Variants in IMPG2 observed in about 807,000 individuals in gnomAD.
IMPG2 encodes the protein interphotoreceptor matrix proteoglycan 2.
A neutral mutation model predicts 129.2 loss-of-function variants in IMPG2; 91 were observed. The observed-to-expected ratio is 0.70, with a 90% CI of 0.59 to 0.84. IMPG2 has a LOEUF of 0.84. Among genes scored for constraint, IMPG2 ranks in the 40% least tolerant of loss-of-function variants. IMPG2 has a pLI of 0.00. For missense variants in IMPG2, 1,430 were observed against 1,461.7 expected (o/e 0.98, Z 0.35); for synonymous variants, 510 against 517.7 (o/e 0.99, Z 0.20).
chr3:101,320,486 T>C lies in IMPG2; in HGVS notation c.-114A>G, dbSNP rs946151908. On this transcript the variant is annotated 5_prime_UTR_variant, in exon 1 of 19. Coordinates refer to ENST00000193391, the MANE Select transcript of IMPG2 (RefSeq NM_016247.4). ...GAAAGACCTAACATTTAAAAGTCTA[T>C]GTTTGAGAATGAACAACCACTTCAA... is the stretch of plus-strand genomic sequence containing the variant. The C allele has an allele frequency of 3.0e-5, 21 of 703,950 alleles. No individual in the cohort carries two copies. The Admixed American group carries it at 3.8e-4, about 13-fold the overall frequency. The allele number at this position is 703,950 out of a possible 1,614,324, so 43.6% of individuals were successfully genotyped here. A position where few individuals can be genotyped will look rare whatever the true frequency, so the allele number is the denominator to read the frequency against.
At chr3:101,265,115 A>G (rs1242153527) in intron 9 of IMPG2, among the ~76,000 whole-genome samples, 1 of 152,132 alleles carries the variant, frequency 6.6e-6, no homozygotes, top group Non-Finnish European at 1.5e-5. Context: ...CAATGACCAT[A>G]CTACCCAAAG....
chr3:101,269,438 G>T, intron 8 of IMPG2, 77 bp downstream of exon 8: 1 of 835,054 alleles, frequency 1.2e-6, no homozygotes, highest in Non-Finnish European at 2.1e-6. Context: ...TAGAATATGT[G>T]TGATAAATAT....
rs115589790 is a variant in IMPG2, at chr3:101,267,689, G to A, written c.888-158C>T. ...CAAATTCCTATGGATTGAAGGAAGT[G>A]AGCAAAGGTGAAAAAAGCATTTTAT... On this transcript the variant is annotated intron_variant, in intron 8 of 18. Transcript: ENST00000193391. 2.9e-3 allele frequency among the ~76,000 whole-genome samples: 440 copies of A among 152,274 alleles called. 3 individuals carry two copies. Among genetic ancestry groups the A allele is most frequent in the African/African-American group, 9.6e-3 (398 of 41,560 alleles).
At position 101,245,951 on chromosome 3, in the gene IMPG2, G is replaced by T. The variant is rs752196597; in HGVS notation, c.1394C>A (p.Ala465Asp). The T allele has an allele frequency of 6.2e-7, 1 of 1,614,134 alleles. No individual in the cohort carries two copies. The highest frequency in any genetic ancestry group is 8.5e-7 in the Non-Finnish European group (1 of 1,180,008). Residue 465 changes from alanine to aspartate, a missense_variant, in exon 12 of 19, where the codon GCC (alanine) becomes GAC (aspartate). Coordinates refer to ENST00000193391, the MANE Select transcript of IMPG2 (RefSeq NM_016247.4). ...GCTGAGGCCCATCTTCGAGGGAAAG[G>T]CTAATTTGTGTGTAGACACTAAATC... ...LGDLVSTHKL[A>D]FPSKMGLSSS...
At chr3:101,241,779 G>C (rs1451785288) in intron 14 of IMPG2, among the ~76,000 whole-genome samples, 2 of 152,124 alleles carry the variant, frequency 1.3e-5, no homozygotes, top group African/African-American at 4.8e-5. Flanking sequence ...TGTAATCCCA[G>C]CACTTTGGGA....
At chr3:101,289,295 C>T (rs1706980018) in intron 4 of IMPG2, among the ~76,000 whole-genome samples, 1 of 151,990 alleles carries the variant, frequency 6.6e-6, no homozygotes, top group Non-Finnish European at 1.5e-5. Flanking sequence ...CAGTAAAAGG[C>T]AGTATTAATA....
intron 1 of IMPG2, 37 bp downstream of exon 1, chr3:101,320,251 T>C (rs749270070): frequency 8.5e-6 from 10 of 1,170,330 alleles, no homozygotes; most frequent in Admixed American, 1.7e-5. Context: ...ATACTACAGA[T>C]ATGGAAAGAT....
intron 17 of IMPG2, 90 bp downstream of exon 17, chr3:101,229,290 A>C (rs1706257169): frequency 2.9e-6 from 3 of 1,040,366 alleles, no homozygotes; most frequent in African/African-American, 1.6e-5. Flanking sequence ...GCACACATAC[A>C]CTCATACACA....
intron 9 of IMPG2, among the ~76,000 whole-genome samples, chr3:101,266,397 C>A (rs557304940): frequency 7.9e-5 from 12 of 152,016 alleles, no homozygotes; most frequent in Non-Finnish European, 1.8e-4. Context: ...AACATTTTTT[C>A]TTTTCTCCTT....
intron 2 of IMPG2, among the ~76,000 whole-genome samples, chr3:101,307,348 C>G (rs980985705): frequency 2.6e-5 from 4 of 152,142 alleles, no homozygotes; most frequent in African/African-American, 9.7e-5. Flanking sequence ...ATACACCAAT[C>G]CTATTGTATT....
chr3:101,249,634 C>A (rs1411694061), intron 11 of IMPG2, among the ~76,000 whole-genome samples: 1 of 151,632 alleles, frequency 6.6e-6, no homozygotes, highest in African/African-American at 2.4e-5. Context: ...TCTTCTGAAT[C>A]TGTTGACATG....
chr3:101,278,902 A>T (rs112690700), intron 4 of IMPG2, among the ~76,000 whole-genome samples: 3,145 of 152,266 alleles, frequency 0.021, 108 homozygotes, highest in African/African-American at 0.071. Context: ...TGAGCAGAGG[A>T]CAGCATGAGT....
intron 3 of IMPG2, 74 bp downstream of exon 3, chr3:101,304,072 G>A: frequency 6.6e-7 from 1 of 1,513,808 alleles, no homozygotes; most frequent in African/African-American, 1.4e-5. Flanking sequence ...ACTTGCTTTT[G>A]CTTCCTTTAG....
intron 3 of IMPG2, among the ~76,000 whole-genome samples, chr3:101,302,761 C>T (rs1012746053): frequency 4.0e-5 from 6 of 151,864 alleles, no homozygotes; most frequent in African/African-American, 1.5e-4. Flanking sequence ...ATGTGGCAGG[C>T]AAAAAACACA....
At chr3:101,234,492 T>C (rs1706325065) in intron 14 of IMPG2, among the ~76,000 whole-genome samples, 1 of 152,136 alleles carries the variant, frequency 6.6e-6, no homozygotes, top group South Asian at 2.1e-4. Flanking sequence ...GGTACTTTGT[T>C]ACAGCAGCCC....
intron 9 of IMPG2, among the ~76,000 whole-genome samples, chr3:101,261,055 C>T (rs916792430): frequency 2.6e-5 from 4 of 152,094 alleles, no homozygotes; most frequent in Non-Finnish European, 4.4e-5. Context: ...AAAGAACGTT[C>T]GTATTAGCTT....
rs2058805659 is a variant in IMPG2, at chr3:101,320,409, T to C, written c.-37A>G. 7.7e-7 allele frequency: 1 copy of C among 1,295,044 alleles called. No homozygotes were observed. Among genetic ancestry groups the C allele is most frequent in the South Asian group, 1.2e-5 (1 of 83,768 alleles). The allele number at this position is 1,295,044 out of a possible 1,614,324, so 80.2% of individuals were successfully genotyped here. A position where few individuals can be genotyped will look rare whatever the true frequency, so the allele number is the denominator to read the frequency against. On this transcript the variant is annotated 5_prime_UTR_variant, in exon 1 of 19. Transcript: ENST00000193391. The stretch of plus-strand genomic sequence containing the variant: ...CCAAAGGAATGAGGAGAGGACAGAA[T>C]CCTTAATTGAGTGTCCAAATCCTTG...
At chr3:101,303,393 G>T (rs1011904286) in intron 3 of IMPG2, among the ~76,000 whole-genome samples, 2 of 152,150 alleles carry the variant, frequency 1.3e-5, no homozygotes, top group East Asian at 3.9e-4. Context: ...AATTGTGGGA[G>T]CTCGAAGAAT....
intron 8 of IMPG2, among the ~76,000 whole-genome samples, chr3:101,267,836 C>T (rs1029081780): frequency 5.9e-5 from 8 of 135,062 alleles, no homozygotes; most frequent in African/African-American, 2.1e-4. Context: ...CAGTTGTTGG[C>T]TTTAACAAAA....
Sources: allele counts gnomAD v4.1 joint callset (sites outside exome capture counted in the v4.1 genomes callset), GRCh38; gene constraint gnomAD v4.1.1; transcripts MANE v1.5; gene names NCBI Gene and HGNC (gene_info 2026-07-23, HGNC 2026-07-21).